Variants in PGBD4 observed in about 807,000 individuals in gnomAD.
PGBD4 encodes the protein piggyBac transposable element derived 4.
PGBD4 carries 1 observed loss-of-function variant against 0.3 expected under a neutral mutation model. That is an observed-to-expected ratio of 3.72 (90% confidence interval 1.32 to 17.64). The LOEUF is 17.64. Among genes scored for constraint, PGBD4 ranks in the 30% most tolerant of loss-of-function variants. The pLI, the probability that PGBD4 is intolerant of heterozygous loss-of-function variation, is 0.11. For missense variants in PGBD4, 624 were observed against 719.7 expected, an observed-to-expected ratio of 0.87 and a Z score of 1.52; for synonymous variants, 253 against 267.7, an observed-to-expected ratio of 0.95 and a Z score of 0.54.
chr15:34,103,021 C>T lies in PGBD4; in HGVS notation c.490C>T (p.Leu164=). The T allele has an allele frequency of 6.2e-7, 1 of 1,614,082 alleles. No individual in the cohort carries two copies. Among genetic ancestry groups the T allele is most frequent in the South Asian group, 1.1e-5 (1 of 91,086 alleles). The change falls in exon 1 of 1, where the codon CTG becomes TTG. Residue 164 remains leucine, a synonymous_variant. Coordinates refer to ENST00000397766, the MANE Select transcript of PGBD4 (RefSeq NM_152595.5). The surrounding 1 kb of genome is among the most constrained non-coding windows in gnomAD (Gnocchi z 4.6). ...CAAAGTCTTTTTTGCAGTAATGTTA[C>T]TGCAAGGTATTGTGCAGAAACCTGA... ...ELKVFFAVML[L]QGIVQKPELE...
Position 34,106,699 on chromosome 15 carries a change from A to G in PGBD4, c.*2410A>G, listed in dbSNP as rs1887767224. 6.6e-6 allele frequency: 1 copy of G among 152,010 alleles called. No homozygotes were observed. Among genetic ancestry groups the G allele is most frequent in the Non-Finnish European group, 1.5e-5 (1 of 68,014 alleles). The allele number at this position is 152,010 out of a possible 1,614,324, so 9.4% of individuals were successfully genotyped here. On this transcript the variant is annotated 3_prime_UTR_variant, in exon 1 of 1. Coordinates refer to ENST00000397766, the MANE Select transcript of PGBD4 (RefSeq NM_152595.5). ...ACCTACTTCTCTCCCTAGTCACCCAATTCTCAAGAGGCAATCACTGTTGCC... is the reference window on the plus strand; with the variant it reads ...ACCTACTTCTCTCCCTAGTCACCCAGTTCTCAAGAGGCAATCACTGTTGCC...
rs905625784 is a variant in PGBD4, at chr15:34,106,001, G to C, written c.*1712G>C. The stretch of plus-strand genomic sequence containing the variant: ...ATGCCTAACAACCTTCTTCTTTTCA[G>C]TGATTACCACTTTCTTACCAATGAC... On this transcript the variant is annotated 3_prime_UTR_variant, in exon 1 of 1. Transcript: ENST00000397766. 6.0e-6 allele frequency: 1 copy of C among 166,982 alleles called. No individual in the cohort carries two copies. Among genetic ancestry groups the C allele is most frequent in the African/African-American group, 2.4e-5 (1 of 41,404 alleles). 10.3% of individuals were successfully genotyped at this position (166,982 alleles called of 1,614,324 possible). A position where few individuals can be genotyped will look rare whatever the true frequency, so the allele number is the denominator to read the frequency against.
chr15:34,102,370 A>C lies in PGBD4; in HGVS notation c.-162A>C, dbSNP rs1322304640. 1 of 1,158,124 alleles carries C rather than the reference A, an allele frequency of 8.6e-7. No individual in the cohort carries two copies. Among genetic ancestry groups the C allele is most frequent in the Non-Finnish European group, 1.2e-6 (1 of 856,660 alleles). The allele number at this position is 1,158,124 out of a possible 1,614,324, so 71.7% of individuals were successfully genotyped here. A position where few individuals can be genotyped will look rare whatever the true frequency, so the allele number is the denominator to read the frequency against. On this transcript the variant is annotated 5_prime_UTR_variant, in exon 1 of 1. Coordinates refer to ENST00000397766, the MANE Select transcript of PGBD4 (RefSeq NM_152595.5). This position sits in a 1 kb window ranked among gnomAD's most constrained non-coding sequence, Gnocchi z 4.7. ...GAGATAACTCGTGGATTACAGTGCC[A>C]ACCTTACTCCCAAAGTTTGCCACGA...
Position 34,106,659 on chromosome 15 carries a change from C to T in PGBD4, c.*2370C>T, listed in dbSNP as rs1887766513. ...ACAATATTCAAAAGGTATGAGTATA[C>T]AAAAAAAATCTCCCACCTACTTCTC... On this transcript the variant is annotated 3_prime_UTR_variant, in exon 1 of 1. Coordinates refer to ENST00000397766, the MANE Select transcript of PGBD4 (RefSeq NM_152595.5). The T allele has an allele frequency of 1.9e-5, 1 of 51,688 alleles. No homozygotes were observed. Among genetic ancestry groups the T allele is most frequent in the South Asian group, 5.9e-4 (1 of 1,708 alleles). 3.2% of individuals were successfully genotyped at this position (51,688 alleles called of 1,614,324 possible).
rs1209935993 is a variant in PGBD4 at position 34,103,968 on chromosome 15, G to A, written c.1437G>A (p.Thr479=). The change falls in exon 1 of 1, where the codon ACG becomes ACA. Residue 479 remains threonine (T), a synonymous_variant. Transcript: ENST00000397766. The surrounding 1 kb of genome is among the most constrained non-coding windows in gnomAD (Gnocchi z 4.6). Reference sequence around the variant, plus strand: ...TCAAGAAGGATAATCCTGAGCACACGATGAGCCATATAAACTTCAGACTGG... The same window carrying A: ...TCAAGAAGGATAATCCTGAGCACACAATGAGCCATATAAACTTCAGACTGG... ...ILFKKDNPEH[T]MSHINFRLAL... The A allele has an allele frequency of 1.9e-6, 3 of 1,614,092 alleles. No individual in the cohort carries two copies. The highest frequency in any genetic ancestry group is 2.5e-6 in the Non-Finnish European group (3 of 1,180,030).
chr15:34,102,911 A>C lies in PGBD4; in HGVS notation c.380A>C (p.Gln127Pro). ...AAAATTACTAGAGAAACAAATGCCC[A>C]AGCTGCCTTGTTGGCTTCAAAGCCA... ...VSKITRETNA[Q>P]AALLASKPPG... The change falls in exon 1 of 1, where the codon CAA becomes CCA. Residue 127 changes from glutamine to proline, a missense_variant. Coordinates refer to ENST00000397766, the MANE Select transcript of PGBD4 (RefSeq NM_152595.5). This position sits in a 1 kb window ranked among gnomAD's most constrained non-coding sequence, Gnocchi z 4.7. The C allele has an allele frequency of 6.2e-7, 1 of 1,614,178 alleles. No homozygotes were observed. The highest frequency in any genetic ancestry group is 2.2e-5 in the East Asian group (1 of 44,892).
rs570578546 is a variant in PGBD4, at chr15:34,102,401, C to A, written c.-131C>A. On this transcript the variant is annotated 5_prime_UTR_variant, in exon 1 of 1. Coordinates refer to ENST00000397766, the MANE Select transcript of PGBD4 (RefSeq NM_152595.5). This position sits in a 1 kb window ranked among gnomAD's most constrained non-coding sequence, Gnocchi z 4.7. Reference sequence around the variant, plus strand: ...ACTCCCAAAGTTTGCCACGAAATATCTCGCTTCTGTTATTTTCGCATGGTT... The same window carrying A: ...ACTCCCAAAGTTTGCCACGAAATATATCGCTTCTGTTATTTTCGCATGGTT... 1.3e-5 allele frequency: 18 copies of A among 1,364,656 alleles called. No individual in the cohort carries two copies. The highest frequency in any genetic ancestry group is 1.6e-5 in the Non-Finnish European group (17 of 1,047,720). 84.5% of individuals were successfully genotyped at this position (1,364,656 alleles called of 1,614,324 possible). A position where few individuals can be genotyped will look rare whatever the true frequency, so the allele number is the denominator to read the frequency against.
chr15:34,103,482 G>T lies in PGBD4; in HGVS notation c.951G>T (p.Leu317Phe). The change falls in exon 1 of 1, where the codon TTG (leucine) becomes TTT (phenylalanine). Residue 317 changes from leucine to phenylalanine, a missense_variant. Physicochemically the swap from Leu to Phe is conservative, Grantham distance 22 (BLOSUM62 0). Coordinates refer to ENST00000397766, the MANE Select transcript of PGBD4 (RefSeq NM_152595.5). This position sits in a 1 kb window ranked among gnomAD's most constrained non-coding sequence, Gnocchi z 4.6. ...AATCATCACGCATTGTTCTTACCTT[G>T]GTCAATGACCTTCTTGGCCAAGGGT... The part of the protein sequence containing the change: ...GLKSSRIVLT[L>F]VNDLLGQGYC... The T allele has an allele frequency of 6.2e-7, 1 of 1,614,140 alleles. No homozygotes were observed. Among genetic ancestry groups the T allele is most frequent in the Non-Finnish European group, 8.5e-7 (1 of 1,180,018 alleles).
rs771186994 is a variant in PGBD4, at chr15:34,103,647, G to T, written c.1116G>T (p.Gly372=). 1.7e-5 allele frequency: 27 copies of T among 1,614,094 alleles called. No homozygotes were observed. The highest frequency in any genetic ancestry group is 2.2e-5 in the Non-Finnish European group (26 of 1,180,044). ...ATCTGAAAAAAAGGATTGCAAAGGGGACGACTGTAGCCAGATTCTGTGGTG... is the reference window on the plus strand; with the variant it reads ...ATCTGAAAAAAAGGATTGCAAAGGGTACGACTGTAGCCAGATTCTGTGGTG... ...PNDLKKRIAK[G]TTVARFCGEL... Residue 372 remains glycine (G), a synonymous_variant, in exon 1 of 1, where the codon GGG becomes GGT. Transcript: ENST00000397766. The surrounding 1 kb of genome is among the most constrained non-coding windows in gnomAD (Gnocchi z 4.6).
At position 34,103,974 on chromosome 15, in the gene PGBD4, C is replaced by T; in HGVS notation, c.1443C>T (p.Ser481=). 1 of 1,614,030 alleles carries T rather than the reference C, an allele frequency of 6.2e-7. No individual in the cohort carries two copies. The highest frequency in any genetic ancestry group is 1.3e-5 in the African/African-American group (1 of 75,032). ...FKKDNPEHTM[S]HINFRLALIE... is the part of the protein sequence containing the mutation. Reference sequence around the variant, plus strand: ...AGGATAATCCTGAGCACACGATGAGCCATATAAACTTCAGACTGGCATTGA... The same window carrying T: ...AGGATAATCCTGAGCACACGATGAGTCATATAAACTTCAGACTGGCATTGA... Residue 481 remains serine (S), a synonymous_variant, in exon 1 of 1, where the codon AGC becomes AGT. Transcript: ENST00000397766. This position sits in a 1 kb window ranked among gnomAD's most constrained non-coding sequence, Gnocchi z 4.6.
chr15:34,106,980 AAGAC>A lies in PGBD4; in HGVS notation c.*2693_*2696del, dbSNP rs1887770866. On this transcript the variant is annotated 3_prime_UTR_variant, in exon 1 of 1. Coordinates refer to ENST00000397766, the MANE Select transcript of PGBD4 (RefSeq NM_152595.5). ...TCTAAAAAAAAAAAAAAAAAAAAAA[AAGAC>A]AAAAAAACAAATCCATATATACATA... 1 of 132,920 alleles carries A rather than the reference AAGAC, an allele frequency of 7.5e-6. No homozygotes were observed. Among genetic ancestry groups the A allele is most frequent in the Non-Finnish European group, 1.6e-5 (1 of 61,398 alleles). 8.2% of individuals were successfully genotyped at this position (132,920 alleles called of 1,614,324 possible).
Position 34,103,782 on chromosome 15 carries a change from G to C in PGBD4, c.1251G>C (p.Arg417Ser), listed in dbSNP as rs956552271. The C allele has an allele frequency of 6.2e-7, 1 of 1,614,118 alleles. No homozygotes were observed. The highest frequency in any genetic ancestry group is 2.2e-5 in the East Asian group (1 of 44,890). The change falls in exon 1 of 1, where the codon AGG becomes AGC. Residue 417 changes from arginine to serine, a missense_variant. Transcript: ENST00000397766. The surrounding 1 kb of genome is among the most constrained non-coding windows in gnomAD (Gnocchi z 4.6). ...VNNRNGKKTK[R>S]PRVIVDYNEN... ...ATAGAAATGGAAAGAAAACTAAAAG[G>C]CCACGTGTCATTGTGGATTATAACG...
Position 34,102,765 on chromosome 15 carries a change from T to C in PGBD4, c.234T>C (p.Arg78=). ...DSGRSMKWSA[R]AMIPRQRYDF... ...GGCGCTCCATGAAATGGTCAGCTCG[T>C]GCTATGATTCCACGTCAAAGGTATG... Residue 78 remains arginine (R), a synonymous_variant, in exon 1 of 1, where the codon CGT becomes CGC. Coordinates refer to ENST00000397766, the MANE Select transcript of PGBD4 (RefSeq NM_152595.5). The surrounding 1 kb of genome is among the most constrained non-coding windows in gnomAD (Gnocchi z 4.7). The C allele has an allele frequency of 1.9e-6, 3 of 1,614,178 alleles. No homozygotes were observed. The highest frequency in any genetic ancestry group is 1.6e-4 in the Middle Eastern group (1 of 6,062).
Position 34,104,339 on chromosome 15 carries a change from G to A in PGBD4, c.*50G>A, listed in dbSNP as rs1901240300. 1.3e-6 allele frequency: 2 copies of A among 1,550,130 alleles called. No individual in the cohort carries two copies. The highest frequency in any genetic ancestry group is 1.3e-5 in the South Asian group (1 of 79,828). On this transcript the variant is annotated 3_prime_UTR_variant, in exon 1 of 1. Coordinates refer to ENST00000397766, the MANE Select transcript of PGBD4 (RefSeq NM_152595.5). ...TCCATTAGGATTAGAGACAAGTTCTGTTTAGAAATAACTCCAAGATTGGGA... is the reference window on the plus strand; with the variant it reads ...TCCATTAGGATTAGAGACAAGTTCTATTTAGAAATAACTCCAAGATTGGGA...
chr15:34,103,989 A>G lies in PGBD4; in HGVS notation c.1458A>G (p.Arg486=), dbSNP rs778131260. Residue 486 remains arginine, a synonymous_variant, in exon 1 of 1, where the codon AGA becomes AGG. Coordinates refer to ENST00000397766, the MANE Select transcript of PGBD4 (RefSeq NM_152595.5). The surrounding 1 kb of genome is among the most constrained non-coding windows in gnomAD (Gnocchi z 4.6). ...ACACGATGAGCCATATAAACTTCAG[A>G]CTGGCATTGATTGAAAGAATGCTGG... ...PEHTMSHINF[R]LALIERMLEK... is the part of the protein sequence containing the mutation. 5.6e-6 allele frequency: 9 copies of G among 1,614,052 alleles called. No individual in the cohort carries two copies. The East Asian group carries it at 1.6e-4, about 28-fold the overall frequency.
rs1901197626 is a variant in PGBD4 at position 34,102,583 on chromosome 15, C to A, written c.52C>A (p.Leu18Ile). Residue 18 changes from leucine (L) to isoleucine (I), a missense_variant, in exon 1 of 1, where the codon CTC (leucine) becomes ATC (isoleucine). Transcript: ENST00000397766. This position sits in a 1 kb window ranked among gnomAD's most constrained non-coding sequence, Gnocchi z 4.7. ...TCCTATGCGTGATAGTAATACCGGTCTCGAACAGTTGTTGGCTGAAGATTC... is the reference window on the plus strand; with the variant it reads ...TCCTATGCGTGATAGTAATACCGGTATCGAACAGTTGTTGGCTGAAGATTC... Reference protein sequence around the residue: ...SIPMRDSNTGLEQLLAEDSFD... With the variant: ...SIPMRDSNTGIEQLLAEDSFD... 1 of 1,600,322 alleles carries A rather than the reference C, an allele frequency of 6.2e-7. No homozygotes were observed. Among genetic ancestry groups the A allele is most frequent in the Admixed American group, 1.7e-5 (1 of 57,470 alleles).
At position 34,104,286 on chromosome 15, in the gene PGBD4, T is replaced by A. The variant is rs1385278447; in HGVS notation, c.1755T>A (p.Tyr585Ter). Reference sequence around the variant, plus strand: ...AAATTTACCACACGAAAAAAAATTATTAAATACCGATCATCATACACATCT... The same window carrying A: ...AAATTTACCACACGAAAAAAAATTAATAAATACCGATCATCATACACATCT... Reference protein sequence around the residue: ...CFEIYHTKKNY With the variant: ...CFEIYHTKKN The change falls in exon 1 of 1, where the codon TAT (tyrosine) becomes TAA (stop). Residue 585 changes from tyrosine to a stop codon, truncating the protein, a stop_gained. Transcript: ENST00000397766. LOFTEE classifies it high-confidence loss of function. 2 of 1,609,680 alleles carry A rather than the reference T, an allele frequency of 1.2e-6. No individual in the cohort carries two copies. Among genetic ancestry groups the A allele is most frequent in the Non-Finnish European group, 1.7e-6 (2 of 1,177,360 alleles).
rs559941553 is a variant in PGBD4, at chr15:34,104,176, G to T, written c.1645G>T (p.Asp549Tyr). Residue 549 changes from aspartate to tyrosine, a missense_variant, in exon 1 of 1, where the codon GAC (aspartate) becomes TAC (tyrosine). Coordinates refer to ENST00000397766, the MANE Select transcript of PGBD4 (RefSeq NM_152595.5). The stretch of plus-strand genomic sequence containing the variant: ...CTGCAAAATTTGCTGCTCCCAATAC[G>T]ACAAGGATGGCAAGAAGATCCGGAA... ...GRCKICCSQY[D>Y]KDGKKIRKET... 1 of 1,614,134 alleles carries T rather than the reference G, an allele frequency of 6.2e-7. No homozygotes were observed. The highest frequency in any genetic ancestry group is 1.3e-5 in the African/African-American group (1 of 75,026).
rs751815133 is a variant in PGBD4 at position 34,103,426 on chromosome 15, A to G, written c.895A>G (p.Met299Val). The change falls in exon 1 of 1, where the codon ATG becomes GTG. Residue 299 changes from methionine (M) to valine (V), a missense_variant. Coordinates refer to ENST00000397766, the MANE Select transcript of PGBD4 (RefSeq NM_152595.5). This position sits in a 1 kb window ranked among gnomAD's most constrained non-coding sequence, Gnocchi z 4.6. ...TGCGCTTGTTCACACAGGGCCTGGC[A>G]TGAATTTGAAAGATTCAGCGGATGG... ...WNALVHTGPG[M>V]NLKDSADGLK... The G allele has an allele frequency of 2.1e-5, 34 of 1,614,116 alleles. No homozygotes were observed. In the South Asian group the frequency reaches 3.1e-4, roughly 15 times the overall value.
Sources: gnomAD v4.1 joint callset for allele counts on GRCh38, gnomAD v4.1.1 for gene constraint, Gnocchi (gnomAD v3.1) non-coding constraint, MANE v1.5 for transcripts, NCBI Gene and HGNC (gene_info 2026-07-23, HGNC 2026-07-21) for gene names.